ZNF75A: variants seen among roughly 807,000 people sequenced by gnomAD.
ZNF75A encodes the protein zinc finger protein 75A.
A neutral mutation model predicts 46.3 loss-of-function variants in ZNF75A; 36 were observed. That is an observed-to-expected ratio of 0.78 (90% confidence interval 0.60 to 1.03). ZNF75A has a LOEUF of 1.03. ZNF75A is among the 50% of genes least tolerant of loss of function. The pLI is 0.00. For synonymous variants in ZNF75A, 234 were observed against 189.9 expected (o/e 1.23, Z -1.91); for missense variants, 595 against 551.3 (o/e 1.08, Z -0.79).
downstream of ZNF75A, chr16:3,318,886 C>G: frequency 1.0e-6 from 1 of 960,106 alleles, no homozygotes; most frequent in Non-Finnish European, 1.2e-6. Context: ...AAATCTACAT[C>G]CATGTTGTTC....
In ZNF75A at chr16:3,317,882, C is replaced by A; in HGVS notation, c.*13C>A. 8.9e-6 allele frequency: 14 copies of A among 1,575,346 alleles called. No homozygotes were observed. The highest frequency in any genetic ancestry group is 1.2e-5 in the Non-Finnish European group (14 of 1,161,288). ...ACTCCACCTGTGAAGAGAAGCTTGT[C>A]CAGTGTCCTCATTCTGAAGACATTC... On this transcript the variant is annotated 3_prime_UTR_variant, in exon 7 of 7. Transcript: ENST00000669516.
At chr16:3,319,335 G>A (rs1020009792), downstream of ZNF75A, among the ~76,000 whole-genome samples, 15 of 152,006 alleles carry the variant, frequency 9.9e-5, no homozygotes, top group East Asian at 5.8e-4. Flanking sequence ...GGCTGGTCTC[G>A]AACTCCTGAC....
Position 3,317,395 on chromosome 16 carries a change from C to T in ZNF75A, c.1140C>T (p.Thr380=), listed in dbSNP as rs368483030. ...TGAAGAAAAGAAAGAAACTTTCAAC[C>T]TGGAAACAAGAGCTGCTCAAACTTA... ...FPVKKRKKLS[T]WKQELLKLMD... Residue 380 remains threonine (T), a synonymous_variant, in exon 7 of 7, where the codon ACC becomes ACT. Coordinates refer to ENST00000669516, the MANE Select transcript of ZNF75A (RefSeq NM_001302109.2). 6.2e-7 allele frequency: 1 copy of T among 1,614,072 alleles called. No individual in the cohort carries two copies.
At chr16:3,320,469 G>T (rs1023485228), downstream of ZNF75A, among the ~76,000 whole-genome samples, 5 of 152,116 alleles carry the variant, frequency 3.3e-5, no homozygotes, top group African/African-American at 1.2e-4. Context: ...CTGGCTTCCC[G>T]TGGATACTAA....
intron 5 of ZNF75A, chr16:3,315,060 C>T (rs1196940062): frequency 3.2e-5 from 32 of 985,310 alleles, no homozygotes; most frequent in East Asian, 1.1e-4. Context: ...GTGCTCATTC[C>T]TTGTCCTACG....
rs1195717527 is a variant in ZNF75A at position 3,318,535 on chromosome 16, A to C, written c.*666A>C. On this transcript the variant is annotated 3_prime_UTR_variant, in exon 7 of 7. Coordinates refer to ENST00000669516, the MANE Select transcript of ZNF75A (RefSeq NM_001302109.2). ...TTTGTAGCCATGGAATATATATTAG[A>C]TGTAAAGAATTTTCTGCAATAAAAG... The C allele has an allele frequency of 2.0e-6, 2 of 985,306 alleles. No homozygotes were observed. Among genetic ancestry groups the C allele is most frequent in the African/African-American group, 3.5e-5 (2 of 57,246 alleles). The allele number at this position is 985,306 out of a possible 1,614,324, so 61.0% of individuals were successfully genotyped here. A position where few individuals can be genotyped will look rare whatever the true frequency, so the allele number is the denominator to read the frequency against.
rs373351872 is a variant in ZNF75A, at chr16:3,317,363, T to G, written c.1108T>G (p.Phe370Val). The change falls in exon 7 of 7, where the codon TTT becomes GTT. Residue 370 changes from phenylalanine (F) to valine (V), a missense_variant. By Grantham distance (50) the Phe-to-Val change is conservative (BLOSUM62 -1). Transcript: ENST00000669516. ...MHRVGKWHQD[F>V]PVKKRKKLST... ...CAGAGTGGGAAAATGGCACCAAGAT[T>G]TTCCAGTGAAGAAAAGAAAGAAACT... The G allele has an allele frequency of 8.4e-5, 135 of 1,613,956 alleles. No homozygotes were observed. The highest frequency in any genetic ancestry group is 1.1e-4 in the Non-Finnish European group (133 of 1,180,016).
chr16:3,313,247 G>C, intron 5 of ZNF75A, 72 bp downstream of exon 5: 1 of 1,515,398 alleles, frequency 6.6e-7, no homozygotes, highest in Non-Finnish European at 9.0e-7. Context: ...ACCCCAGTGA[G>C]GGGTGTCTTA....
At chr16:3,309,627 A>G (rs150224592) in intron 2 of ZNF75A, among the ~76,000 whole-genome samples, 1,710 of 151,530 alleles carry the variant, frequency 0.011, 19 homozygotes, top group Non-Finnish European at 0.018. Flanking sequence ...ATGGTGGCAC[A>G]CACCTGTGGT....
chr16:3,320,162 C>G (rs1961475650), downstream of ZNF75A, among the ~76,000 whole-genome samples: 1 of 152,186 alleles, frequency 6.6e-6, no homozygotes, highest in South Asian at 2.1e-4. Context: ...TCTCCTGCCT[C>G]AGCCTCCCAA....
rs1289468102 is a variant in ZNF75A, at chr16:3,318,015, G to A, written c.*146G>A. The A allele has an allele frequency of 2.1e-6, 3 of 1,420,152 alleles. No individual in the cohort carries two copies. Among genetic ancestry groups the A allele is most frequent in the Non-Finnish European group, 2.7e-6 (3 of 1,094,200 alleles). The allele number at this position is 1,420,152 out of a possible 1,614,324, so 88.0% of individuals were successfully genotyped here. On this transcript the variant is annotated 3_prime_UTR_variant, in exon 7 of 7. Transcript: ENST00000669516. ...CATACATTTCACAGAAAATAATCAA[G>A]ACTTGCTCTGCAGCCACTCAGTAGT...
intron 1 of ZNF75A, chr16:3,306,156 G>C (rs1163132384): frequency 6.6e-6 from 1 of 152,192 alleles, no homozygotes; most frequent in Admixed American, 6.5e-5. Context: ...TGCCGTTTCT[G>C]CTGGCTCACT....
chr16:3,314,405 T>G (rs1388947194), intron 5 of ZNF75A, among the ~76,000 whole-genome samples: 1 of 152,202 alleles, frequency 6.6e-6, no homozygotes, highest in Non-Finnish European at 1.5e-5. Flanking sequence ...CCAGTTGAGC[T>G]GTGCTTTCCA....
downstream of ZNF75A, among the ~76,000 whole-genome samples, chr16:3,321,023 TAAC>T (rs2029921147): frequency 6.6e-6 from 1 of 152,148 alleles, no homozygotes; most frequent in African/African-American, 2.4e-5. Flanking sequence ...TGATGTCTCA[TAAC>T]AACCTTGGAA....
chr16:3,317,493 T>C lies in ZNF75A; in HGVS notation c.1238T>C (p.Val413Ala), dbSNP rs1410098818. 2 of 1,613,910 alleles carry C rather than the reference T, an allele frequency of 1.2e-6. No individual in the cohort carries two copies. The highest frequency in any genetic ancestry group is 1.7e-6 in the Non-Finnish European group (2 of 1,179,920). ...CAGGAATGTGGGAAAACCTTCAGAG[T>C]TAGCTCTGACCTTATTAAGCACCAA... The part of the protein sequence containing the change: ...KCQECGKTFR[V>A]SSDLIKHQRI... Residue 413 changes from valine to alanine, a missense_variant, in exon 7 of 7, where the codon GTT becomes GCT. Transcript: ENST00000669516.
At chr16:3,311,021 A>G in intron 2 of ZNF75A, 1 of 850,036 alleles carries the variant, frequency 1.2e-6, no homozygotes, top group Non-Finnish European at 1.4e-6. Context: ...TATAGGGATA[A>G]TCAGGCTGAC....
rs1251075792 is a variant in ZNF75A at position 3,313,035 on chromosome 16, A to G, written c.697-14A>G. On this transcript the variant is annotated splice_polypyrimidine_tract_variant and intron_variant, in intron 4 of 6. Transcript: ENST00000669516. ...AGTGGCAGGTTCTGAGCTGAAGTCCATTCTCTTCTTTAGAGCTTGTTGACA... is the reference window on the plus strand; with the variant it reads ...AGTGGCAGGTTCTGAGCTGAAGTCCGTTCTCTTCTTTAGAGCTTGTTGACA... The G allele has an allele frequency of 3.7e-6, 6 of 1,608,438 alleles. No homozygotes were observed. The highest frequency in any genetic ancestry group is 1.7e-5 in the Admixed American group (1 of 59,402).
Position 3,318,112 on chromosome 16 carries a change from TA to T in ZNF75A, c.*244del, listed in dbSNP as rs1163162797. ...TCCAGTCATTTTTGAACACATCCAA[TA>T]GAAACATTGGCAGCATGGTCTTCCA... On this transcript the variant is annotated 3_prime_UTR_variant, in exon 7 of 7. Transcript: ENST00000669516. The T allele has an allele frequency of 8.0e-7, 1 of 1,248,792 alleles. No homozygotes were observed. Among genetic ancestry groups the T allele is most frequent in the Non-Finnish European group, 1.0e-6 (1 of 996,970 alleles). The allele number at this position is 1,248,792 out of a possible 1,614,324, so 77.4% of individuals were successfully genotyped here.
chr16:3,319,496 C>T (rs1212488954), downstream of ZNF75A, among the ~76,000 whole-genome samples: 2 of 152,210 alleles, frequency 1.3e-5, no homozygotes, highest in Non-Finnish European at 2.9e-5. Context: ...TAACTTAAGA[C>T]CTCCAGGATT....
Sources: gnomAD v4.1 joint callset for allele counts (sites outside exome capture counted in the v4.1 genomes callset) on GRCh38, gnomAD v4.1.1 for gene constraint, MANE v1.5 for transcripts, NCBI Gene and HGNC (gene_info 2026-07-23, HGNC 2026-07-21) for gene names.